The following MACF1 variants were observed in gnomAD, a reference collection of about 807,000 sequenced individuals.
MACF1 encodes microtubule actin crosslinking factor 1.
In MACF1, 193 loss-of-function variants were observed where a neutral mutation model predicts 854.8. That is an observed-to-expected ratio of 0.23 (90% CI 0.20 to 0.25). The LOEUF is 0.25. Among genes scored for constraint, MACF1 ranks in the 10% least tolerant of loss-of-function variants. MACF1 has a pLI of 1.00. For missense variants in MACF1, 7,722 were observed against 8,929.1 expected (o/e 0.86, Z 5.45); for synonymous variants, 3,185 against 3,226.7 (o/e 0.99, Z 0.44).
intron 2 of MACF1, among the ~76,000 whole-genome samples, chr1:39,092,015 C>T (rs189512316): frequency 4.5e-4 from 68 of 152,296 alleles, no homozygotes; most frequent in Non-Finnish European, 9.1e-4. Flanking sequence ...AACTGAGCTA[C>T]GTTGCAAGTC....
In MACF1 at chr1:39,335,697, A is replaced by G. The variant is rs779683391; in HGVS notation, c.9109A>G (p.Ile3037Val). 4.3e-6 allele frequency: 7 copies of G among 1,613,326 alleles called. No homozygotes were observed. The highest frequency in any genetic ancestry group is 1.7e-5 in the Admixed American group (1 of 59,832). The stretch of plus-strand genomic sequence containing the variant: ...AGCTGATACAGAAATGGGATTTTCT[A>G]TTACTTTTAAAATTGAAGAGTCCTC... ...KEADTEMGFS[I>V]TFKIEESSSQ... The change falls in exon 37 of 101, where the codon ATT becomes GTT. Residue 3037 changes from isoleucine to valine, a missense_variant. By Grantham distance (29) the Ile-to-Val change is conservative (BLOSUM62 3). Transcript: ENST00000564288.
intron 6 of MACF1, among the ~76,000 whole-genome samples, chr1:39,271,938 A>T (rs1645329843): frequency 6.6e-6 from 1 of 152,332 alleles, no homozygotes; most frequent in Middle Eastern, 3.4e-3. Context: ...TAGTGTGACC[A>T]TATTGGCAAC....
chr1:39,427,855 A>G, intron 62 of MACF1, 106 bp from the exon 63 acceptor site: 1 of 1,038,456 alleles, frequency 9.6e-7, no homozygotes, highest in Non-Finnish European at 1.4e-6. Context: ...TCAGTCGGTG[A>G]GTTTTTTAAT....
chr1:39,200,741 C>T (rs1192779299), upstream of MACF1, among the ~76,000 whole-genome samples: 1 of 151,366 alleles, frequency 6.6e-6, no homozygotes, highest in Admixed American at 6.6e-5. Context: ...CCAGGTCTCT[C>T]CCTGAACTCT....
intron 2 of MACF1, among the ~76,000 whole-genome samples, chr1:39,159,878 G>A (rs936635271): frequency 1.3e-5 from 2 of 152,088 alleles, no homozygotes; most frequent in African/African-American, 4.8e-5. Context: ...GTTTTTTCAG[G>A]GATGAGGAAA....
At chr1:39,482,694 C>T (rs562767164) in intron 99 of MACF1, among the ~76,000 whole-genome samples, 1 of 149,572 alleles carries the variant, frequency 6.7e-6, no homozygotes, top group South Asian at 2.1e-4. Flanking sequence ...ACATGGGAGG[C>T]TGAGGCAGGA....
chr1:39,463,866 A>G (rs41270823), intron 94 of MACF1, 180 bp downstream of exon 94: 10 of 553,388 alleles, frequency 1.8e-5, no homozygotes, highest in African/African-American at 1.5e-4. Flanking sequence ...AACTAGTCCC[A>G]TATCTACCTA....
upstream of MACF1, among the ~76,000 whole-genome samples, chr1:39,201,942 G>A (rs900467177): frequency 1.9e-5 from 2 of 106,048 alleles, no homozygotes; most frequent in Non-Finnish European, 3.8e-5. Flanking sequence ...CACATGACTT[G>A]TTTGCTCATA....
chr1:39,144,569 A>G (rs772206553), intron 2 of MACF1, among the ~76,000 whole-genome samples: 4 of 152,112 alleles, frequency 2.6e-5, no homozygotes, highest in African/African-American at 4.8e-5. Context: ...ATTCCCTTCT[A>G]ACAACGTGTG....
intron 2 of MACF1, among the ~76,000 whole-genome samples, chr1:39,124,128 C>T (rs572319516): frequency 2.0e-5 from 3 of 151,574 alleles, no homozygotes; most frequent in South Asian, 2.1e-4. Context: ...TCAAGTGATC[C>T]GCCCACCTTG....
intron 1 of MACF1, among the ~76,000 whole-genome samples, chr1:39,224,846 G>A (rs1242568614): frequency 1.3e-5 from 2 of 152,184 alleles, no homozygotes; most frequent in African/African-American, 2.4e-5. Context: ...GATGCTCAGA[G>A]ACCCTTGTTG....
chr1:39,194,494 C>T (rs748531351), intron 2 of MACF1, among the ~76,000 whole-genome samples: 3 of 151,374 alleles, frequency 2.0e-5, no homozygotes, highest in Non-Finnish European at 4.4e-5. Context: ...GCTGAGACTA[C>T]AGGCACATGC....
rs1414882781 is a variant in MACF1, at chr1:39,297,632, G to C, written c.2368G>C (p.Ala790Pro). The change falls in exon 21 of 101, where the codon GCA becomes CCA. Residue 790 changes from alanine to proline, a missense_variant. Around this residue, in one of 15 missense-constraint regions of MACF1, gnomAD observed 1,137 missense variants for 1,263.0 expected, o/e 0.90. Transcript: ENST00000564288. ...TGTATTCCCATAGTTCTTCAGTGAT[G>C]CACGAGAGCTGGAGTCATTCTTGAG... Reference protein sequence around the residue: ...NTAYFQFFSDARELESFLRNL... With the variant: ...NTAYFQFFSDPRELESFLRNL... 6.2e-7 allele frequency: 1 copy of C among 1,613,990 alleles called. No homozygotes were observed. Among genetic ancestry groups the C allele is most frequent in the Non-Finnish European group, 8.5e-7 (1 of 1,180,012 alleles).
chr1:39,440,732 T>C (rs1469716718), intron 72 of MACF1, among the ~76,000 whole-genome samples: 3 of 152,212 alleles, frequency 2.0e-5, no homozygotes, highest in African/African-American at 7.2e-5. Flanking sequence ...ATAATTTCTT[T>C]GGAGGCAGGA....
chr1:39,363,014 T>G (rs1234727060), intron 49 of MACF1, among the ~76,000 whole-genome samples: 2 of 152,230 alleles, frequency 1.3e-5, no homozygotes, highest in Non-Finnish European at 2.9e-5. Context: ...GTTTTAGAAT[T>G]ACATTAGTAT....
chr1:39,454,608 C>CTGAACACCA (rs1644400439), intron 88 of MACF1, among the ~76,000 whole-genome samples: 1 of 152,064 alleles, frequency 6.6e-6, no homozygotes, highest in Admixed American at 6.6e-5. Context: ...CAAGACAAGC[C>CTGAACACCA]TGGGCAACAT....
rs200138159 is a variant in MACF1, at chr1:39,191,203, T to C, written c.221-39979T>C. Among the ~76,000 whole-genome samples the C allele has an allele frequency of 1.7e-3, 241 of 145,912 alleles. 2 individuals are homozygous for C. The highest frequency in any genetic ancestry group is 5.7e-3 in the African/African-American group (230 of 40,530). On this transcript the variant is annotated intron_variant, in intron 2 of 93. Transcript: ENST00000361689. ...ATTTGGGGTGATTCTTTCTTTCTTTTTTTTTTTTTTTTTTTAACCTAGCAG... is the reference window on the plus strand; with the variant it reads ...ATTTGGGGTGATTCTTTCTTTCTTTCTTTTTTTTTTTTTTTAACCTAGCAG...
intron 40 of MACF1, among the ~76,000 whole-genome samples, chr1:39,344,462 T>C (rs1287046250): frequency 6.6e-6 from 1 of 151,088 alleles, no homozygotes; most frequent in Non-Finnish European, 1.5e-5. Flanking sequence ...AGAGCAGGAA[T>C]GAAAGGAAGT....
At chr1:39,450,610 CTT>C (rs11398407) in intron 84 of MACF1, among the ~76,000 whole-genome samples, 5 of 115,244 alleles carry the variant, frequency 4.3e-5, no homozygotes, top group Non-Finnish European at 7.0e-5. Context: ...TACTCTATTT[CTT>C]TTTTTTTTTT....
Sources: gnomAD v4.1 joint callset for allele counts (sites outside exome capture counted in the v4.1 genomes callset) on GRCh38, gnomAD v4.1.1 for gene constraint, gnomAD v4.1.1 regional missense constraint, MANE v1.5 for transcripts, NCBI Gene and HGNC (gene_info 2026-07-23, HGNC 2026-07-21) for gene names.